The following XYLT1 variants were observed in gnomAD, a reference collection of about 807,000 sequenced individuals.
XYLT1 encodes xylosyltransferase 1.
Under a neutral mutation model 91.3 loss-of-function variants are expected in XYLT1, and 36 were observed. The observed-to-expected ratio is 0.39, with a 90% CI of 0.30 to 0.52. XYLT1 has a LOEUF of 0.52. XYLT1 is among the 20% of genes least tolerant of loss of function. The pLI, the probability that XYLT1 is intolerant of heterozygous loss-of-function variation, is 0.68. For synonymous variants in XYLT1, 588 were observed against 532.0 expected (o/e 1.11, Z -1.45); for missense variants, 1,242 against 1,284.5 (o/e 0.97, Z 0.51).
chr16:17,402,729 C>CT (rs34157222), intron 1 of XYLT1, among the ~76,000 whole-genome samples: 4 of 146,376 alleles, frequency 2.7e-5, no homozygotes, highest in Admixed American at 6.8e-5. Flanking sequence ...TTACTATATC[C>CT]TTTTTTTTCT....
At chr16:17,247,322 C>T (rs1245000989) in intron 3 of XYLT1, among the ~76,000 whole-genome samples, 1 of 152,176 alleles carries the variant, frequency 6.6e-6, no homozygotes, top group African/African-American at 2.4e-5. Flanking sequence ...CTCTTCGAAT[C>T]TCCATTCTCT....
chr16:17,386,642 C>T (rs561851448), intron 1 of XYLT1, among the ~76,000 whole-genome samples: 3 of 152,264 alleles, frequency 2.0e-5, no homozygotes, highest in Non-Finnish European at 4.4e-5. Flanking sequence ...TCAGTATTTC[C>T]GTTGCATGTC....
intron 2 of XYLT1, among the ~76,000 whole-genome samples, chr16:17,291,199 T>G (rs1203500820): frequency 6.6e-6 from 1 of 152,230 alleles, no homozygotes; most frequent in East Asian, 1.9e-4. Flanking sequence ...GAAGAGGTTT[T>G]GCCATGTTGC....
At chr16:17,164,206 C>T (rs1019156943) in intron 5 of XYLT1, among the ~76,000 whole-genome samples, 20 of 151,900 alleles carry the variant, frequency 1.3e-4, no homozygotes, top group Admixed American at 7.2e-4. Context: ...TACCCATAAT[C>T]TTTAAGTTAT....
chr16:17,277,655 G>C (rs1229674565), intron 2 of XYLT1, among the ~76,000 whole-genome samples: 2 of 152,144 alleles, frequency 1.3e-5, no homozygotes, highest in Admixed American at 6.5e-5. Flanking sequence ...CTCCCAAAGT[G>C]CTGGGATTAC....
intron 1 of XYLT1, among the ~76,000 whole-genome samples, chr16:17,399,537 A>C (rs1396112463): frequency 6.6e-6 from 1 of 152,352 alleles, no homozygotes; most frequent in East Asian, 1.9e-4. Flanking sequence ...ATGCTTTAGC[A>C]TCTACATGCA....
At chr16:17,144,282 C>T (rs759307075) in intron 6 of XYLT1, among the ~76,000 whole-genome samples, 2 of 152,172 alleles carry the variant, frequency 1.3e-5, no homozygotes, top group Non-Finnish European at 2.9e-5. Flanking sequence ...AATACATGTC[C>T]AGCACCTACC....
chr16:17,246,000 A>G (rs1286743587), intron 3 of XYLT1, among the ~76,000 whole-genome samples: 2 of 152,196 alleles, frequency 1.3e-5, no homozygotes, highest in African/African-American at 4.8e-5. Flanking sequence ...CAACAGACAG[A>G]TTGAGCACAA....
intron 1 of XYLT1, among the ~76,000 whole-genome samples, chr16:17,435,405 G>A (rs2036443967): frequency 2.0e-5 from 3 of 152,106 alleles, no homozygotes; most frequent in Non-Finnish European, 2.9e-5. Context: ...CCCCCTACAA[G>A]AACCCAGCAA....
chr16:17,158,689 C>A (rs1356879292), intron 6 of XYLT1, 140 bp downstream of exon 6: 3 of 814,940 alleles, frequency 3.7e-6, no homozygotes, highest in Non-Finnish European at 6.1e-6. Flanking sequence ...CACGCAGACA[C>A]AGCGAAGGAC....
chr16:17,438,240 T>G (rs2036485788), intron 1 of XYLT1, among the ~76,000 whole-genome samples: 1 of 152,196 alleles, frequency 6.6e-6, no homozygotes, highest in South Asian at 2.1e-4. Context: ...AAGATGATGA[T>G]GTTAATAGCG....
chr16:17,305,813 G>A (rs574038104), intron 2 of XYLT1, among the ~76,000 whole-genome samples: 1 of 152,274 alleles, frequency 6.6e-6, no homozygotes, highest in African/African-American at 2.4e-5. Flanking sequence ...ATTTCCACAT[G>A]AAAAGAGCCC....
chr16:17,108,904 C>A lies in XYLT1; in HGVS notation c.2671G>T (p.Ala891Ser). The A allele has an allele frequency of 6.2e-7, 1 of 1,606,974 alleles. No homozygotes were observed. Among genetic ancestry groups the A allele is most frequent in the Non-Finnish European group, 8.5e-7 (1 of 1,175,040 alleles). ...CCCGTGGAGGCTGCGTTCCTCCGTG[C>A]CTGTTCCACCTGGGCGGGGTTGATG... is the stretch of plus-strand genomic sequence containing the variant. ...LPINPAQVEQ[A>S]RRNAASTGTA... Residue 891 changes from alanine (A) to serine (S), a missense_variant, in exon 12 of 12, where the codon GCA becomes TCA. Coordinates refer to ENST00000261381, the MANE Select transcript of XYLT1 (RefSeq NM_022166.4).
intron 3 of XYLT1, among the ~76,000 whole-genome samples, chr16:17,232,429 G>GTATA (rs144659961): frequency 3.4e-4 from 41 of 121,728 alleles, no homozygotes; most frequent in Admixed American, 6.5e-4. Flanking sequence ...GTGTGTGTGT[G>GTATA]TATATATATA....
At chr16:17,361,762 C>T (rs2035385316) in intron 1 of XYLT1, among the ~76,000 whole-genome samples, 3 of 152,164 alleles carry the variant, frequency 2.0e-5, no homozygotes, top group Non-Finnish European at 2.9e-5. Context: ...TACTCAGAAT[C>T]CTTTTGCCTG....
intron 2 of XYLT1, among the ~76,000 whole-genome samples, chr16:17,310,389 T>G (rs552245379): frequency 1.1e-4 from 16 of 152,330 alleles, no homozygotes; most frequent in South Asian, 6.2e-4. Flanking sequence ...CTCCGTACAC[T>G]GGGAATTTAA....
intron 8 of XYLT1, 98 bp from the exon 9 acceptor site, chr16:17,134,833 G>A (rs1359095354): frequency 1.4e-6 from 2 of 1,446,392 alleles, no homozygotes; most frequent in African/African-American, 1.4e-5. Context: ...GCAAAGCTCT[G>A]CTGGACCCGA....
intron 5 of XYLT1, among the ~76,000 whole-genome samples, chr16:17,167,322 T>C (rs1177612635): frequency 1.3e-5 from 2 of 152,284 alleles, no homozygotes; most frequent in African/African-American, 2.4e-5. Flanking sequence ...CAGGAATTGA[T>C]ACAGGTAGAA....
intron 3 of XYLT1, among the ~76,000 whole-genome samples, chr16:17,212,329 C>T (rs1008286239): frequency 6.6e-6 from 1 of 152,156 alleles, no homozygotes; most frequent in Non-Finnish European, 1.5e-5. Context: ...CTTCATGCCT[C>T]GGCCCCACCC....
Sources: gnomAD v4.1 joint callset for allele counts (sites outside exome capture counted in the v4.1 genomes callset) on GRCh38, gnomAD v4.1.1 for gene constraint, MANE v1.5 for transcripts, NCBI Gene and HGNC (gene_info 2026-07-23, HGNC 2026-07-21) for gene names.